The following MMP13 variants were observed in gnomAD, a reference collection of about 807,000 sequenced individuals.
MMP13 encodes collagenase 3.
MMP13 carries 45 observed loss-of-function variants against 52.1 expected under a neutral mutation model. The observed-to-expected ratio is 0.86, with a 90% CI of 0.68 to 1.11. The LOEUF (loss-of-function observed/expected upper bound fraction) is 1.11. Ranked by LOEUF, MMP13 falls within the 50% of genes least tolerant of loss-of-function variation. MMP13 has a pLI of 0.00. For missense variants in MMP13, 576 were observed against 583.8 expected (o/e 0.99, Z 0.14); for synonymous variants, 200 against 204.4 (o/e 0.98, Z 0.18).
rs1225033806 is a variant in MMP13 at position 102,955,454 on chromosome 11, C to A, written c.160G>T (p.Gly54Ter). 6.2e-7 allele frequency: 1 copy of A among 1,614,018 alleles called. No homozygotes were observed. The highest frequency in any genetic ancestry group is 8.5e-7 in the Non-Finnish European group (1 of 1,179,912). ...RSYYHPTNLAGILKENAASSM... is the reference protein window; with the variant it reads ...RSYYHPTNLA ...CTTGCTGCATTCTCCTTCAGGATTC[C>A]CGCGAGATTTGTAGGATGGTAGTAT... The change falls in exon 2 of 10, where the codon GGA (glycine) becomes TGA (stop). Residue 54 changes from glycine to a stop codon, truncating the protein, a stop_gained. Coordinates refer to ENST00000260302, the MANE Select transcript of MMP13 (RefSeq NM_002427.4). LOFTEE classifies it high-confidence loss of function. This position sits in a 1 kb window ranked among gnomAD's most constrained non-coding sequence, Gnocchi z 4.9.
Position 102,944,075 on chromosome 11 carries a change from A to G in MMP13, c.*191T>C, listed in dbSNP as rs1860453675. 2.8e-5 allele frequency: 16 copies of G among 575,260 alleles called. No homozygotes were observed. The highest frequency in any genetic ancestry group is 2.7e-4 in the Middle Eastern group (1 of 3,654). 35.6% of individuals were successfully genotyped at this position (575,260 alleles called of 1,614,324 possible). On this transcript the variant is annotated 3_prime_UTR_variant, in exon 10 of 10. Coordinates refer to ENST00000260302, the MANE Select transcript of MMP13 (RefSeq NM_002427.4). ...CTCTTTAGAGATCCTCCATTTCATT[A>G]CTCTAACATTCTTCAATGTGGTTCC...
chr11:102,954,567 G>C lies in MMP13; in HGVS notation c.402C>G (p.Val134=). Residue 134 remains valine (V), a synonymous_variant, in exon 3 of 10, where the codon GTC becomes GTG. Transcript: ENST00000260302. The part of the protein sequence containing the change: ...NYTPDMTHSE[V]EKAFKKAFKV... Reference sequence around the variant, plus strand: ...TGAAGGCTTTTTTGAATGCCTTTTCGACTTCAGAATGAGTCATATCAGGGG... The same window carrying C: ...TGAAGGCTTTTTTGAATGCCTTTTCCACTTCAGAATGAGTCATATCAGGGG... The C allele has an allele frequency of 6.2e-7, 1 of 1,613,504 alleles. No individual in the cohort carries two copies. The highest frequency in any genetic ancestry group is 1.1e-5 in the South Asian group (1 of 91,044).
At chr11:102,950,036 G>A in intron 6 of MMP13, 74 bp downstream of exon 6, 1 of 1,271,976 alleles carries the variant, frequency 7.9e-7, no homozygotes, top group Non-Finnish European at 1.2e-6. Context: ...CTGACAGGAT[G>A]TTTTGGCAAT....
chr11:102,953,079 T>C (rs1193582019), intron 4 of MMP13, among the ~76,000 whole-genome samples: 1 of 152,118 alleles, frequency 6.6e-6, no homozygotes, highest in Non-Finnish European at 1.5e-5. Context: ...AATCTGAGTG[T>C]TAACTAATTC....
rs17860538 is a variant in MMP13, at chr11:102,952,888, A to G, written c.638-715T>C. ...ACTGGAAAAAAGAAAATAAAAAACT[A>G]AAAGAAAAATAAGAAGTGCAAGGCA... On this transcript the variant is annotated intron_variant, in intron 4 of 9. Coordinates refer to ENST00000260302, the MANE Select transcript of MMP13 (RefSeq NM_002427.4). The surrounding 1 kb of genome is among the most constrained non-coding windows in gnomAD (Gnocchi z 4.3). Among the ~76,000 whole-genome samples the G allele has an allele frequency of 2.0e-5, 3 of 152,284 alleles. No homozygotes were observed. Among genetic ancestry groups the G allele is most frequent in the South Asian group, 2.1e-4 (1 of 4,828 alleles).
At chr11:102,950,582 T>A (rs895697847) in intron 5 of MMP13, among the ~76,000 whole-genome samples, 1 of 152,162 alleles carries the variant, frequency 6.6e-6, no homozygotes, top group Non-Finnish European at 1.5e-5. Flanking sequence ...TAAAGCCATT[T>A]TTGATGGCGT....
intron 3 of MMP13, 67 bp downstream of exon 3, chr11:102,954,391 A>G (rs1362815312): frequency 7.5e-6 from 12 of 1,594,520 alleles, no homozygotes; most frequent in Non-Finnish European, 1.0e-5. Context: ...GACTGAAATA[A>G]ATAATTTTAA....
rs2134520914 is a variant in MMP13 at position 102,952,957 on chromosome 11, G to T, written c.638-784C>A. 6.6e-6 allele frequency among the ~76,000 whole-genome samples: 1 copy of T among 152,262 alleles called. No individual in the cohort carries two copies. The highest frequency in any genetic ancestry group is 2.1e-4 in the South Asian group (1 of 4,826). ...GTGCTTAGATTACCTGAAAACTAGA[G>T]CCAGTGGATTCCATTTGACCTTAAA... On this transcript the variant is annotated intron_variant, in intron 4 of 9. Transcript: ENST00000260302. The surrounding 1 kb of genome is among the most constrained non-coding windows in gnomAD (Gnocchi z 4.3).
At position 102,950,186 on chromosome 11, in the gene MMP13, G is replaced by T; in HGVS notation, c.841C>A (p.Pro281Thr). 6.2e-7 allele frequency: 1 copy of T among 1,613,848 alleles called. No individual in the cohort carries two copies. The change falls in exon 6 of 10, where the codon CCA becomes ACA. Residue 281 changes from proline to threonine, a missense_variant. Pro to Thr is a conservative substitution (Grantham distance 38, BLOSUM62 -1). Transcript: ENST00000260302. ...EDPNPKHPKTPDKCDPSLSLD... is the reference protein window; with the variant it reads ...EDPNPKHPKTTDKCDPSLSLD... ...GATAAGGAAGGGTCACATTTGTCTG[G>T]CGTTTTTGGATGTTTAGGGTTGGGG...
chr11:102,953,291 T>A (rs1431400074), intron 4 of MMP13, among the ~76,000 whole-genome samples: 2 of 152,196 alleles, frequency 1.3e-5, no homozygotes, highest in Non-Finnish European at 2.9e-5. Flanking sequence ...TTCTTACCTG[T>A]GAAATACCCA....
intron 7 of MMP13, 27 bp downstream of exon 7, chr11:102,948,998 G>A (rs781834730): frequency 1.8e-5 from 29 of 1,613,174 alleles, no homozygotes; most frequent in Middle Eastern, 1.6e-4. Context: ...CTGGTCTTGT[G>A]TGAGGACTCC....
Position 102,944,188 on chromosome 11 carries a change from TCTTCCCCTACCC to T in MMP13, c.*66_*77del, listed in dbSNP as rs1555016368. The T allele has an allele frequency of 3.7e-6, 4 of 1,068,824 alleles. No individual in the cohort carries two copies. In the South Asian group the frequency reaches 5.0e-5, roughly 13 times the overall value. 66.2% of individuals were successfully genotyped at this position (1,068,824 alleles called of 1,614,324 possible). On this transcript the variant is annotated 3_prime_UTR_variant, in exon 10 of 10. Transcript: ENST00000260302. ...AACCAAGCTTTCTCCTGATAGCTCT[TCTTCCCCTACCC>T]CGCACTTCTGGAAGTATTACCCCAA...
Position 102,950,150 on chromosome 11 carries a change from T to C in MMP13, c.877A>G (p.Ile293Val). ...KCDPSLSLDA[I>V]TSLRGETMIF... ...ATTGTTTCTCCTCGGAGACTGGTAATGGCATCAAGGGATAAGGAAGGGTCA... is the reference window on the plus strand; with the variant it reads ...ATTGTTTCTCCTCGGAGACTGGTAACGGCATCAAGGGATAAGGAAGGGTCA... Residue 293 changes from isoleucine to valine, a missense_variant, in exon 6 of 10, where the codon ATT becomes GTT. Physicochemically the swap from Ile to Val is conservative, Grantham distance 29. Transcript: ENST00000260302. The C allele has an allele frequency of 6.2e-7, 1 of 1,613,774 alleles. No homozygotes were observed. Among genetic ancestry groups the C allele is most frequent in the Admixed American group, 1.7e-5 (1 of 59,996 alleles).
intron 6 of MMP13, 96 bp downstream of exon 6, chr11:102,950,014 G>A (rs951257197): frequency 2.7e-5 from 27 of 1,012,750 alleles, no homozygotes; most frequent in African/African-American, 6.3e-5. Context: ...TGCTAACTTC[G>A]CCTTTGGAAG....
intron 9 of MMP13, among the ~76,000 whole-genome samples, chr11:102,944,771 C>CTTTTTTTTTTTTTTTT (rs557080076): frequency 2.1e-5 from 2 of 95,716 alleles, no homozygotes; most frequent in Non-Finnish European, 2.1e-5. Context: ...CCACTCCCAG[C>CTTTTTTTTTTTTTTTT]TTTTTTTTTT....
In MMP13 at chr11:102,943,152, A is replaced by G. The variant is rs1860435757; in HGVS notation, c.*1114T>C. The G allele has an allele frequency of 6.6e-6, 1 of 152,170 alleles. No individual in the cohort carries two copies. The highest frequency in any genetic ancestry group is 2.4e-5 in the African/African-American group (1 of 41,436). The allele number at this position is 152,170 out of a possible 1,614,324, so 9.4% of individuals were successfully genotyped here. A position where few individuals can be genotyped will look rare whatever the true frequency, so the allele number is the denominator to read the frequency against. ...CCGATCATATATTCAATAAGTGCCA[A>G]GCACCCTCCCCAAGTATCAATAGGC... On this transcript the variant is annotated 3_prime_UTR_variant, in exon 10 of 10. Coordinates refer to ENST00000260302, the MANE Select transcript of MMP13 (RefSeq NM_002427.4).
chr11:102,951,954 T>C (rs2134519952), intron 5 of MMP13, 58 bp downstream of exon 5: 1 of 1,561,966 alleles, frequency 6.4e-7, no homozygotes, highest in Non-Finnish European at 8.8e-7. Context: ...AGAAAATAAA[T>C]GCATGGGTTT....
intron 8 of MMP13, among the ~76,000 whole-genome samples, chr11:102,947,090 T>G (rs765124967): frequency 1.3e-5 from 2 of 152,214 alleles, no homozygotes; most frequent in Non-Finnish European, 2.9e-5. Flanking sequence ...AAAGTTTCAC[T>G]TTATAAACTA....
chr11:102,950,258 TGA>T, intron 5 of MMP13, 31 bp from the exon 6 acceptor site: 1 of 1,507,796 alleles, frequency 6.6e-7, no homozygotes, highest in Non-Finnish European at 9.2e-7. Flanking sequence ...AGAGAAGTTA[TGA>T]GTGTGACATT....
Sources: gnomAD v4.1 joint callset for allele counts (sites outside exome capture counted in the v4.1 genomes callset) on GRCh38, gnomAD v4.1.1 for gene constraint, Gnocchi (gnomAD v3.1) non-coding constraint, MANE v1.5 for transcripts, NCBI Gene and HGNC (gene_info 2026-07-23, HGNC 2026-07-21) for gene names.